Variants in FHIT observed in about 807,000 individuals in gnomAD.
The protein encoded by FHIT is bis(5'-adenosyl)-triphosphatase.
Under a neutral mutation model 17.9 loss-of-function variants are expected in FHIT, and 19 were observed. The observed-to-expected ratio is 1.06, with a 90% confidence interval of 0.74 to 1.56. The LOEUF is 1.56. Ranked by LOEUF, FHIT falls within the 40% of genes most tolerant of loss-of-function variation. The pLI is 0.00. For missense variants in FHIT, 248 were observed against 189.2 expected (o/e 1.31, Z -1.82); for synonymous variants, 81 against 69.7 (o/e 1.16, Z -0.81).
At chr3:60,642,333 CAGTT>C (rs2039746093) in intron 4 of FHIT, among the ~76,000 whole-genome samples, 4 of 152,222 alleles carry the variant, frequency 2.6e-5, no homozygotes, top group Admixed American at 2.0e-4. Flanking sequence ...TTCAAAGCCA[CAGTT>C]AGTTAGAAAT....
At chr3:60,667,258 T>C (rs2040403226) in intron 4 of FHIT, among the ~76,000 whole-genome samples, 1 of 151,972 alleles carries the variant, frequency 6.6e-6, no homozygotes, top group Admixed American at 6.6e-5. Context: ...TTTGTCATTG[T>C]CTCACAGATC....
At chr3:60,662,914 G>T (rs1716703) in intron 4 of FHIT, among the ~76,000 whole-genome samples, 107,991 of 150,998 alleles carry the variant, frequency 0.72, 39,880 homozygotes, top group East Asian at 0.87. Context: ...TTGTATGAAG[G>T]TATGAGATTT....
intron 8 of FHIT, among the ~76,000 whole-genome samples, chr3:59,800,335 G>A (rs565021263): frequency 2.0e-5 from 3 of 152,254 alleles, no homozygotes; most frequent in East Asian, 1.9e-4. Flanking sequence ...AACTCAACAC[G>A]ACTCTTTAAT....
intron 2 of FHIT, among the ~76,000 whole-genome samples, chr3:61,184,638 C>A (rs1353840331): frequency 2.0e-5 from 3 of 152,146 alleles, no homozygotes; most frequent in African/African-American, 7.2e-5. Context: ...AGGGCAAGTT[C>A]CCAACCCTCT....
chr3:61,041,440 T>C (rs1408385414), intron 3 of FHIT, among the ~76,000 whole-genome samples: 1 of 151,930 alleles, frequency 6.6e-6, no homozygotes, highest in Non-Finnish European at 1.5e-5. Flanking sequence ...AGATCAAGTC[T>C]GTGCGAGTCA....
intron 4 of FHIT, among the ~76,000 whole-genome samples, chr3:60,770,463 C>T (rs923656124): frequency 6.6e-6 from 1 of 152,174 alleles, no homozygotes; most frequent in African/African-American, 2.4e-5. Context: ...AGCAGGCATG[C>T]GGTCTGCCCT....
intron 8 of FHIT, among the ~76,000 whole-genome samples, chr3:59,880,862 C>T (rs114657601): frequency 0.022 from 3,335 of 152,226 alleles, 46 homozygotes; most frequent in South Asian, 0.064. Context: ...CAGTATTGTG[C>T]TCCTTCTAAT....
intron 4 of FHIT, among the ~76,000 whole-genome samples, chr3:60,755,877 T>C (rs1439359630): frequency 4.6e-5 from 7 of 152,256 alleles, no homozygotes; most frequent in Non-Finnish European, 8.8e-5. Flanking sequence ...TGAATGGAAC[T>C]GATTTGAATC....
chr3:60,429,256 G>T (rs929033376), intron 5 of FHIT, among the ~76,000 whole-genome samples: 1 of 151,934 alleles, frequency 6.6e-6, no homozygotes, highest in Non-Finnish European at 1.5e-5. Context: ...GATTTTAAAA[G>T]ATTTCACTGA....
intron 5 of FHIT, among the ~76,000 whole-genome samples, chr3:60,224,246 G>A (rs1704088554): frequency 1.3e-5 from 2 of 152,102 alleles, no homozygotes; most frequent in South Asian, 4.1e-4. Context: ...CATTCTTCCT[G>A]GTTCCAGAGT....
At chr3:61,033,654 A>G (rs1429911907) in intron 3 of FHIT, among the ~76,000 whole-genome samples, 2 of 152,218 alleles carry the variant, frequency 1.3e-5, no homozygotes, top group Non-Finnish European at 2.9e-5. Flanking sequence ...TCCAGTATGT[A>G]TACAGACCCT....
intron 5 of FHIT, among the ~76,000 whole-genome samples, chr3:60,029,377 C>T (rs1021626000): frequency 6.6e-5 from 10 of 152,166 alleles, no homozygotes; most frequent in African/African-American, 2.4e-4. Flanking sequence ...ATATAGGTAA[C>T]AGGCCACAAA....
chr3:60,844,659 C>T lies in FHIT; in HGVS notation c.-110-22648G>A, dbSNP rs1469199985. 3.9e-5 allele frequency among the ~76,000 whole-genome samples: 6 copies of T among 152,258 alleles called. No homozygotes were observed. In the South Asian group the frequency reaches 6.2e-4, roughly 16 times the overall value. On this transcript the variant is annotated intron_variant, in intron 3 of 9. Coordinates refer to ENST00000492590, the MANE Select transcript of FHIT (RefSeq NM_002012.4). The stretch of plus-strand genomic sequence containing the variant: ...AATGGTTTTCTTCTCATAAAAATCA[C>T]ACTTTGGCTTTTTCCTTTCATATGT...
At chr3:60,190,104 C>T (rs377365486) in intron 5 of FHIT, among the ~76,000 whole-genome samples, 59 of 152,296 alleles carry the variant, frequency 3.9e-4, no homozygotes, top group Middle Eastern at 3.4e-3. Context: ...CATTCTCAAA[C>T]ATCATACAGA....
chr3:60,356,759 A>C (rs761134547), intron 5 of FHIT, among the ~76,000 whole-genome samples: 140 of 64,700 alleles, frequency 2.2e-3, no homozygotes, highest in Non-Finnish European at 3.9e-3. Flanking sequence ...GAGACAAAAA[A>C]AAAAAAAAAA....
intron 4 of FHIT, among the ~76,000 whole-genome samples, chr3:60,697,986 G>A (rs2041152870): frequency 6.6e-6 from 1 of 152,124 alleles, no homozygotes; most frequent in East Asian, 1.9e-4. Context: ...ATGCTGTATT[G>A]CTCCCTTATA....
intron 5 of FHIT, among the ~76,000 whole-genome samples, chr3:60,154,287 A>G (rs1047911380): frequency 2.0e-5 from 3 of 152,220 alleles, no homozygotes; most frequent in African/African-American, 4.8e-5. Context: ...TGACCTACAC[A>G]TGCTTCAATC....
chr3:60,475,905 A>C (rs1032054025), intron 5 of FHIT, among the ~76,000 whole-genome samples: 1 of 151,726 alleles, frequency 6.6e-6, no homozygotes, highest in Non-Finnish European at 1.5e-5. Flanking sequence ...TATCTTTTCC[A>C]CTCATGCCCA....
chr3:60,069,259 CT>C (rs11293927), intron 5 of FHIT, among the ~76,000 whole-genome samples: 12,310 of 151,948 alleles, frequency 0.081, 630 homozygotes, highest in African/African-American at 0.15. Context: ...ATTTGAACTA[CT>C]TTTTTTTAAA....
Sources: gnomAD v4.1 joint callset for allele counts (sites outside exome capture counted in the v4.1 genomes callset) on GRCh38, gnomAD v4.1.1 for gene constraint, MANE v1.5 for transcripts, NCBI Gene and HGNC (gene_info 2026-07-23, HGNC 2026-07-21) for gene names.